Variants in FHIT observed in about 807,000 individuals in gnomAD.
FHIT encodes fragile histidine triad diadenosine triphosphatase, also known as bis(5'-adenosyl)-triphosphatase.
A neutral mutation model predicts 17.9 loss-of-function variants in FHIT; 19 were observed. The observed-to-expected ratio is 1.06, with a 90% CI of 0.74 to 1.56. FHIT has a LOEUF of 1.56. Among genes scored for constraint, FHIT ranks in the 40% most tolerant of loss-of-function variants. FHIT has a pLI of 0.00. For synonymous variants in FHIT, 81 were observed against 69.7 expected, an observed-to-expected ratio of 1.16 and a Z score of -0.81; for missense variants, 248 against 189.2, an observed-to-expected ratio of 1.31 and a Z score of -1.82.
intron 5 of FHIT, among the ~76,000 whole-genome samples, chr3:60,330,732 T>G (rs1278112417): frequency 6.6e-6 from 1 of 152,226 alleles, no homozygotes; most frequent in East Asian, 1.9e-4. Flanking sequence ...TGGAAATGCA[T>G]CAATCTCAGT....
At chr3:61,189,208 T>C (rs1428548587) in intron 2 of FHIT, among the ~76,000 whole-genome samples, 3 of 152,224 alleles carry the variant, frequency 2.0e-5, no homozygotes, top group Non-Finnish European at 4.4e-5. Context: ...CAAAATCTCC[T>C]TAAGCTGATA....
intron 3 of FHIT, among the ~76,000 whole-genome samples, chr3:61,017,592 G>A (rs960390798): frequency 2.0e-5 from 3 of 152,214 alleles, no homozygotes; most frequent in African/African-American, 7.2e-5. Context: ...ACATATCTGT[G>A]CTCACATTAG....
intron 3 of FHIT, among the ~76,000 whole-genome samples, chr3:60,944,225 G>A (rs1468392478): frequency 6.6e-6 from 1 of 152,308 alleles, no homozygotes; most frequent in South Asian, 2.1e-4. Context: ...AACATTCTAT[G>A]AGAATATGCT....
At chr3:60,310,431 G>C (rs1011777798) in intron 5 of FHIT, among the ~76,000 whole-genome samples, 1 of 152,134 alleles carries the variant, frequency 6.6e-6, no homozygotes, top group African/African-American at 2.4e-5. Context: ...GGCCAAGTGA[G>C]AAAGACCAAC....
Position 60,013,957 on chromosome 3 carries a change from C to A in FHIT, c.249+50G>T, listed in dbSNP as rs373521727. ...ATATCAGGAGGAGCAAGCCCAATGCCGGGATATGAAAGGGAAGAAAAATCA... is the reference window on the plus strand; with the variant it reads ...ATATCAGGAGGAGCAAGCCCAATGCAGGGATATGAAAGGGAAGAAAAATCA... On this transcript the variant is annotated intron_variant, in intron 6 of 9. Transcript: ENST00000492590. 54 of 1,582,808 alleles carry A rather than the reference C, an allele frequency of 3.4e-5. 1 individual carries two copies. In the South Asian group the frequency reaches 6.0e-4, roughly 18 times the overall value.
intron 4 of FHIT, among the ~76,000 whole-genome samples, chr3:60,747,174 C>T (rs1485149119): frequency 6.6e-6 from 1 of 151,552 alleles, no homozygotes; most frequent in African/African-American, 2.4e-5. Context: ...TGTGAGTATT[C>T]TCTCTGCACT....
intron 5 of FHIT, among the ~76,000 whole-genome samples, chr3:60,270,401 C>G (rs575676561): frequency 6.6e-6 from 1 of 152,110 alleles, no homozygotes; most frequent in African/African-American, 2.4e-5. Context: ...ATGGTTCTAC[C>G]TTTTTAAAAC....
intron 7 of FHIT, among the ~76,000 whole-genome samples, chr3:60,008,859 G>C (rs1271073232): frequency 1.3e-5 from 2 of 152,202 alleles, no homozygotes; most frequent in East Asian, 3.8e-4. Context: ...GCTTCCAGGG[G>C]TCATAATTAT....
chr3:59,944,900 A>C (rs1398816346), intron 7 of FHIT, among the ~76,000 whole-genome samples: 1 of 152,190 alleles, frequency 6.6e-6, no homozygotes, highest in Non-Finnish European at 1.5e-5. Flanking sequence ...GTGCATATTT[A>C]GTACATTTTC....
intron 5 of FHIT, among the ~76,000 whole-genome samples, chr3:60,494,979 T>C (rs532167418): frequency 3.2e-4 from 48 of 152,190 alleles, no homozygotes; most frequent in Non-Finnish European, 5.9e-4. Flanking sequence ...TTCCTTTGGG[T>C]ATATATCCAA....
At chr3:60,034,476 T>C (rs1248814999) in intron 5 of FHIT, among the ~76,000 whole-genome samples, 1 of 152,220 alleles carries the variant, frequency 6.6e-6, no homozygotes, top group African/African-American at 2.4e-5. Context: ...TTACCCACTT[T>C]CAAATTTCCC....
intron 2 of FHIT, among the ~76,000 whole-genome samples, chr3:61,137,471 C>T (rs1431677875): frequency 6.6e-6 from 1 of 152,096 alleles, no homozygotes; most frequent in Non-Finnish European, 1.5e-5. Context: ...AACTTATGCG[C>T]TTACCTCTTT....
intron 5 of FHIT, among the ~76,000 whole-genome samples, chr3:60,118,788 T>A (rs1485701477): frequency 1.8e-5 from 1 of 55,454 alleles, no homozygotes. Context: ...GGGGGGGGGG[T>A]GGTGAATCAC....
intron 3 of FHIT, among the ~76,000 whole-genome samples, chr3:61,024,571 G>A (rs1200676372): frequency 2.6e-5 from 4 of 152,066 alleles, no homozygotes; most frequent in African/African-American, 7.2e-5. Flanking sequence ...TTGTATGTAT[G>A]AGCAAAGTAC....
At chr3:60,621,438 C>T (rs561327931) in intron 4 of FHIT, among the ~76,000 whole-genome samples, 5 of 152,134 alleles carry the variant, frequency 3.3e-5, no homozygotes, top group South Asian at 2.1e-4. Flanking sequence ...CACTAGCTAC[C>T]GTGCCCAGCC....
intron 5 of FHIT, among the ~76,000 whole-genome samples, chr3:60,126,713 C>T (rs1705567693): frequency 6.6e-6 from 1 of 152,206 alleles, no homozygotes; most frequent in Non-Finnish European, 1.5e-5. Context: ...AGTATTACCA[C>T]ATTTACCTCA....
At chr3:60,144,001 A>C (rs1700136964) in intron 5 of FHIT, among the ~76,000 whole-genome samples, 2 of 152,200 alleles carry the variant, frequency 1.3e-5, no homozygotes, top group Non-Finnish European at 2.9e-5. Context: ...TAGGCATGAA[A>C]GTAGCCCATG....
At chr3:61,209,382 A>C (rs1320133653) in intron 1 of FHIT, among the ~76,000 whole-genome samples, 5 of 152,184 alleles carry the variant, frequency 3.3e-5, no homozygotes, top group Non-Finnish European at 5.9e-5. Context: ...AGATTGGGGA[A>C]GTTCTCCTGA....
At chr3:60,518,868 G>T (rs988905897) in intron 5 of FHIT, among the ~76,000 whole-genome samples, 1 of 152,064 alleles carries the variant, frequency 6.6e-6, no homozygotes, top group Admixed American at 6.5e-5. Context: ...AATTAGCTGG[G>T]CATGGTGGCC....
Sources: gnomAD v4.1 joint callset for allele counts (sites outside exome capture counted in the v4.1 genomes callset) on GRCh38, gnomAD v4.1.1 for gene constraint, MANE v1.5 for transcripts, NCBI Gene and HGNC (gene_info 2026-07-23, HGNC 2026-07-21) for gene names.